CDKAL1: variants seen among roughly 807,000 people sequenced by gnomAD.
CDKAL1 encodes the protein CDKAL1 threonylcarbamoyladenosine tRNA methylthiotransferase, also known as threonylcarbamoyladenosine tRNA methylthiotransferase.
Under a neutral mutation model 68.2 loss-of-function variants are expected in CDKAL1, and 32 were observed. That is an observed-to-expected ratio of 0.47 (90% CI 0.35 to 0.63). CDKAL1 has a LOEUF of 0.63. Ranked by LOEUF, CDKAL1 falls within the 30% of genes least tolerant of loss-of-function variation. CDKAL1 has a pLI of 0.00. For synonymous variants in CDKAL1, 234 were observed against 244.3 expected, an observed-to-expected ratio of 0.96 and a Z score of 0.39; for missense variants, 606 against 696.7, an observed-to-expected ratio of 0.87 and a Z score of 1.47.
intron 12 of CDKAL1, among the ~76,000 whole-genome samples, chr6:21,102,747 T>C (rs1400082498): frequency 6.6e-6 from 1 of 152,226 alleles, no homozygotes; most frequent in Admixed American, 6.5e-5. Flanking sequence ...GCATAACTCT[T>C]GGTCGCCATT....
At chr6:21,032,698 G>A (rs940919410) in intron 11 of CDKAL1, among the ~76,000 whole-genome samples, 8 of 152,098 alleles carry the variant, frequency 5.3e-5, no homozygotes, top group African/African-American at 1.9e-4. Context: ...TGCCTGCAGT[G>A]TTCAGTATAG....
intron 12 of CDKAL1, among the ~76,000 whole-genome samples, chr6:21,078,433 G>A (rs1302419483): frequency 6.6e-6 from 1 of 152,148 alleles, no homozygotes; most frequent in East Asian, 1.9e-4. Flanking sequence ...ATGATTATAT[G>A]TCAGATGTTG....
At chr6:20,538,162 A>G (rs556150779) in intron 2 of CDKAL1, among the ~76,000 whole-genome samples, 1 of 151,728 alleles carries the variant, frequency 6.6e-6, no homozygotes, top group African/African-American at 2.4e-5. Context: ...GCTTTGTATC[A>G]GTGAGGCAGC....
intron 9 of CDKAL1, among the ~76,000 whole-genome samples, chr6:20,865,436 T>C (rs1364867404): frequency 6.6e-6 from 1 of 152,108 alleles, no homozygotes; most frequent in African/African-American, 2.4e-5. Flanking sequence ...CCATAGCTGT[T>C]GCAAAAAGAT....
Position 21,231,352 on chromosome 6 carries a change from G to T in CDKAL1, c.*313G>T. The T allele has an allele frequency of 4.7e-6, 1 of 212,616 alleles. No individual in the cohort carries two copies. Among genetic ancestry groups the T allele is most frequent in the Non-Finnish European group, 9.2e-6 (1 of 108,570 alleles). 13.2% of individuals were successfully genotyped at this position (212,616 alleles called of 1,614,324 possible). ...GTTTCAATCTCTAATCTTTAAGTCA[G>T]AACCTAATTGTACAGTGGCTCTGGC... is the stretch of plus-strand genomic sequence containing the variant. On this transcript the variant is annotated 3_prime_UTR_variant, in exon 16 of 16. Transcript: ENST00000274695.
intron 10 of CDKAL1, among the ~76,000 whole-genome samples, chr6:20,964,050 GA>G (rs1167586713): frequency 6.1e-5 from 9 of 147,782 alleles, no homozygotes; most frequent in Middle Eastern, 3.5e-3. Flanking sequence ...ACCATCATAT[GA>G]AAAAAAAAAC....
chr6:21,131,279 A>T (rs1175461839), intron 13 of CDKAL1, among the ~76,000 whole-genome samples: 2 of 152,242 alleles, frequency 1.3e-5, no homozygotes, highest in Non-Finnish European at 2.9e-5. Flanking sequence ...GTAGATATAA[A>T]TATATTTTTT....
intron 9 of CDKAL1, among the ~76,000 whole-genome samples, chr6:20,873,374 T>C (rs1309353396): frequency 6.6e-6 from 1 of 152,108 alleles, no homozygotes; most frequent in Non-Finnish European, 1.5e-5. Context: ...AACTCTCAGG[T>C]GATGCAGATA....
At chr6:21,188,610 T>C (rs1245139276) in intron 13 of CDKAL1, among the ~76,000 whole-genome samples, 1 of 152,202 alleles carries the variant, frequency 6.6e-6, no homozygotes, top group Non-Finnish European at 1.5e-5. Context: ...TCAGATCTCA[T>C]GGATAGATCT....
At chr6:21,162,901 T>C (rs142580321) in intron 13 of CDKAL1, among the ~76,000 whole-genome samples, 13 of 152,178 alleles carry the variant, frequency 8.5e-5, no homozygotes, top group Admixed American at 5.2e-4. Context: ...GTATAGCCAC[T>C]GCACTCCAGC....
At chr6:21,202,481 G>A (rs943656612) in intron 15 of CDKAL1, among the ~76,000 whole-genome samples, 2 of 152,112 alleles carry the variant, frequency 1.3e-5, no homozygotes, top group African/African-American at 2.4e-5. Context: ...TATTGCTAGA[G>A]ATTTGGCTTT....
intron 10 of CDKAL1, among the ~76,000 whole-genome samples, chr6:20,991,545 T>G (rs557717434): frequency 1.7e-4 from 26 of 151,494 alleles, no homozygotes; most frequent in Admixed American, 4.6e-4. Context: ...CCATCTCTAC[T>G]AAAATACAAA....
intron 11 of CDKAL1, among the ~76,000 whole-genome samples, chr6:21,007,020 T>TGCTTTCATATTCCACAGAGC (rs1767762225): frequency 6.6e-6 from 1 of 152,102 alleles, no homozygotes; most frequent in African/African-American, 2.4e-5. Context: ...TTTGACAGAG[T>TGCTTTCATATTCCACAGAGC]GCTTTCATAT....
intron 4 of CDKAL1, among the ~76,000 whole-genome samples, chr6:20,646,048 ATTTT>A (rs1171622769): frequency 0.027 from 2,345 of 87,340 alleles, 26 homozygotes; most frequent in African/African-American, 0.1. Context: ...TCACGGTTAA[ATTTT>A]TTTTTTTTTT....
At chr6:20,801,737 C>T (rs1025612357) in intron 8 of CDKAL1, among the ~76,000 whole-genome samples, 16 of 152,198 alleles carry the variant, frequency 1.1e-4, no homozygotes, top group Admixed American at 2.6e-4. Context: ...TACATAATTT[C>T]GCAATGGAAA....
At chr6:21,035,943 C>T (rs769718218) in intron 11 of CDKAL1, among the ~76,000 whole-genome samples, 17 of 152,188 alleles carry the variant, frequency 1.1e-4, no homozygotes, top group East Asian at 9.6e-4. Flanking sequence ...TTGCAATTGA[C>T]GGTTAGATGG....
At chr6:20,714,194 A>G (rs1025675547) in intron 5 of CDKAL1, among the ~76,000 whole-genome samples, 1 of 151,896 alleles carries the variant, frequency 6.6e-6, no homozygotes, top group African/African-American at 2.4e-5. Flanking sequence ...ACTATGATAC[A>G]AAAAATTCTC....
At chr6:20,536,246 T>C (rs1338940882) in intron 2 of CDKAL1, among the ~76,000 whole-genome samples, 1 of 152,170 alleles carries the variant, frequency 6.6e-6, no homozygotes, top group Non-Finnish European at 1.5e-5. Flanking sequence ...TTTCTGTATC[T>C]TCTTCATCTA....
chr6:20,755,445 T>C (rs548346824), intron 6 of CDKAL1, among the ~76,000 whole-genome samples: 6 of 152,294 alleles, frequency 3.9e-5, no homozygotes, highest in African/African-American at 1.2e-4. Context: ...TTTTTTCCCC[T>C]TCATTTTTTT....
Sources: gnomAD v4.1 joint callset for allele counts (sites outside exome capture counted in the v4.1 genomes callset) on GRCh38, gnomAD v4.1.1 for gene constraint, MANE v1.5 for transcripts, NCBI Gene and HGNC (gene_info 2026-07-23, HGNC 2026-07-21) for gene names.